Variants in ARMC2 observed in about 807,000 individuals in gnomAD.
ARMC2 encodes armadillo repeat containing 2, also known as armadillo repeat-containing protein 2.
Under a neutral mutation model 90.3 loss-of-function variants are expected in ARMC2, and 67 were observed. The ratio of observed to expected loss-of-function variants is 0.74; its 90% CI spans 0.61 to 0.91. ARMC2 has a LOEUF of 0.91. Ranked by LOEUF, ARMC2 falls within the 40% of genes least tolerant of loss-of-function variation. ARMC2 has a pLI of 0.00. For synonymous variants in ARMC2, 393 were observed against 393.0 expected (o/e 1.00, Z 0.00); for missense variants, 920 against 1,030.9 (o/e 0.89, Z 1.47).
chr6:108,998,666 T>C, the ARMC2 span: 1 of 1,613,762 alleles, frequency 6.2e-7, no homozygotes, highest in Admixed American at 1.7e-5. Context: ...CGAATGTGAA[T>C]GAGGCAAGAG....
chr6:108,945,185 AGGAG>A (rs1278889087), intron 12 of ARMC2, among the ~76,000 whole-genome samples: 1 of 152,056 alleles, frequency 6.6e-6, no homozygotes, highest in Non-Finnish European at 1.5e-5. Flanking sequence ...TTAATAACGA[AGGAG>A]GGAGTGGGGT....
the ARMC2 span, among the ~76,000 whole-genome samples, chr6:108,991,830 C>G: frequency 0.036 from 5,514 of 152,278 alleles, 142 homozygotes; most frequent in Non-Finnish European, 0.056. Context: ...CAATTTTAAA[C>G]ATACACCACT....
the ARMC2 span, among the ~76,000 whole-genome samples, chr6:108,994,029 A>G: frequency 7.9e-5 from 12 of 151,762 alleles, no homozygotes; most frequent in South Asian, 2.5e-3. Flanking sequence ...AGTCCTAGCT[A>G]CTCAGGAAGC....
At chr6:109,036,956 C>G in the ARMC2 span, among the ~76,000 whole-genome samples, 11 of 152,200 alleles carry the variant, frequency 7.2e-5, no homozygotes, top group Non-Finnish European at 1.6e-4. Flanking sequence ...TAAAAACTTT[C>G]TTTGGCTTTG....
At chr6:108,953,889 C>A (rs1459876718) in intron 13 of ARMC2, among the ~76,000 whole-genome samples, 2 of 152,166 alleles carry the variant, frequency 1.3e-5, no homozygotes, top group African/African-American at 2.4e-5. Flanking sequence ...ACAGATTGGG[C>A]AACTTTGTCA....
At chr6:109,042,130 G>C in the ARMC2 span, among the ~76,000 whole-genome samples, 1 of 151,852 alleles carries the variant, frequency 6.6e-6, no homozygotes, top group African/African-American at 2.4e-5. Flanking sequence ...GAGGTATCGG[G>C]GAGATTTAAA....
chr6:108,988,363 T>C, the ARMC2 span: 4 of 502,246 alleles, frequency 8.0e-6, no homozygotes, highest in Non-Finnish European at 1.4e-5. Context: ...GTCTTTATTC[T>C]TTTACTCTAT....
chr6:108,989,912 G>A, the ARMC2 span, among the ~76,000 whole-genome samples: 1 of 152,136 alleles, frequency 6.6e-6, no homozygotes, highest in Non-Finnish European at 1.5e-5. Flanking sequence ...CCACCATTGA[G>A]GAGGCTAAAG....
intron 4 of ARMC2, among the ~76,000 whole-genome samples, chr6:108,872,046 C>T (rs1318293984): frequency 1.3e-5 from 2 of 152,166 alleles, no homozygotes; most frequent in African/African-American, 4.8e-5. Context: ...TAAGAGCTCC[C>T]TGGGTTTCAT....
intron 1 of ARMC2, among the ~76,000 whole-genome samples, chr6:108,853,713 A>G (rs923424024): frequency 3.3e-5 from 5 of 152,194 alleles, no homozygotes; most frequent in African/African-American, 1.2e-4. Flanking sequence ...CTCAAATTAT[A>G]GGTGAGTTGA....
the ARMC2 span, among the ~76,000 whole-genome samples, chr6:109,015,991 C>CTT: frequency 6.6e-6 from 1 of 152,060 alleles, no homozygotes; most frequent in Admixed American, 6.6e-5. Context: ...ATTAGCCAGG[C>CTT]ATAATATTAA....
the ARMC2 span, chr6:109,001,174 A>T: frequency 5.7e-6 from 5 of 876,294 alleles, no homozygotes; most frequent in Non-Finnish European, 8.7e-6. Context: ...TGCAACAGGA[A>T]TCATATTATA....
chr6:108,920,961 T>G (rs1412083048), intron 10 of ARMC2, among the ~76,000 whole-genome samples: 6 of 152,036 alleles, frequency 3.9e-5, no homozygotes, highest in Non-Finnish European at 7.4e-5. Flanking sequence ...AGGGTGGAAA[T>G]GAGGCTCCTA....
At chr6:108,955,802 A>G (rs1777537233) in intron 13 of ARMC2, among the ~76,000 whole-genome samples, 1 of 152,200 alleles carries the variant, frequency 6.6e-6, no homozygotes, top group Admixed American at 6.5e-5. Flanking sequence ...TAGCATGCCC[A>G]TGTCTGCTGA....
At chr6:109,050,369 A>G in the ARMC2 span, among the ~76,000 whole-genome samples, 8 of 150,304 alleles carry the variant, frequency 5.3e-5, no homozygotes, top group Admixed American at 6.6e-5. Context: ...GACACACAGA[A>G]TGCTATTGTT....
At chr6:108,998,449 G>A in the ARMC2 span, 1 of 1,584,206 alleles carries the variant, frequency 6.3e-7, no homozygotes, top group Admixed American at 1.7e-5. Flanking sequence ...GCCAACTGAA[G>A]AAATAATATA....
chr6:109,019,609 A>G, the ARMC2 span, among the ~76,000 whole-genome samples: 1 of 152,228 alleles, frequency 6.6e-6, no homozygotes, highest in Non-Finnish European at 1.5e-5. Context: ...TTAGTGACAC[A>G]CATGCCAGTA....
chr6:108,961,714 T>C lies in ARMC2; in HGVS notation c.2038+20T>C, dbSNP rs1035966168. The C allele has an allele frequency of 6.4e-7, 1 of 1,574,386 alleles. No homozygotes were observed. Among genetic ancestry groups the C allele is most frequent in the Non-Finnish European group, 8.6e-7 (1 of 1,162,922 alleles). On this transcript the variant is annotated intron_variant, in intron 14 of 17. Coordinates refer to ENST00000392644, the MANE Select transcript of ARMC2 (RefSeq NM_032131.6). Reference sequence around the variant, plus strand: ...CTGAATGTAAGGTTCAGAGTTGGATTTGGATAAATGAGTGCTCATTTGAAG... The same window carrying C: ...CTGAATGTAAGGTTCAGAGTTGGATCTGGATAAATGAGTGCTCATTTGAAG...
chr6:108,967,769 C>T (rs1354449759), intron 17 of ARMC2, among the ~76,000 whole-genome samples: 5 of 152,160 alleles, frequency 3.3e-5, no homozygotes, highest in African/African-American at 1.2e-4. Context: ...CCTGTGGATA[C>T]GTGGCCCGTG....
Sources: gnomAD v4.1 joint callset for allele counts (sites outside exome capture counted in the v4.1 genomes callset) on GRCh38, gnomAD v4.1.1 for gene constraint, MANE v1.5 for transcripts, NCBI Gene and HGNC (gene_info 2026-07-23, HGNC 2026-07-21) for gene names.